ZNF681: variants seen among roughly 807,000 people sequenced by gnomAD.
ZNF681 encodes the protein hypothetical protein FLJ31526.
A neutral mutation model predicts 56.0 loss-of-function variants in ZNF681; 37 were observed. That is an observed-to-expected ratio of 0.66 (90% CI 0.51 to 0.87). The LOEUF (loss-of-function observed/expected upper bound fraction) is 0.87. ZNF681 is among the 40% of genes least tolerant of loss of function. The probability of loss-of-function intolerance (pLI) is 0.00; values close to 1 mark genes in which losing one functional copy is unlikely to be tolerated. For missense variants in ZNF681, 741 were observed against 744.9 expected (o/e 0.99, Z 0.06); for synonymous variants, 225 against 248.6 (o/e 0.91, Z 0.89).
rs1281228707 is a variant in ZNF681, at chr19:23,740,522, A to G, written c.*3090T>C. The G allele has an allele frequency of 1.3e-5, 2 of 152,212 alleles. No individual in the cohort carries two copies. Among genetic ancestry groups the G allele is most frequent in the African/African-American group, 4.8e-5 (2 of 41,452 alleles). 9.4% of individuals were successfully genotyped at this position (152,212 alleles called of 1,614,324 possible). ...TTGATATGTTCCATCTCTGTCTTGAAGTTACAAACTAACTCCAACAGGAAT... is the reference window on the plus strand; with the variant it reads ...TTGATATGTTCCATCTCTGTCTTGAGGTTACAAACTAACTCCAACAGGAAT... On this transcript the variant is annotated 3_prime_UTR_variant, in exon 4 of 4. Transcript: ENST00000402377.
chr19:23,745,283 C>T lies in ZNF681; in HGVS notation c.267G>A (p.Gln89=), dbSNP rs765751042. The T allele has an allele frequency of 1.9e-5, 30 of 1,589,298 alleles. No homozygotes were observed. Among genetic ancestry groups the T allele is most frequent in the African/African-American group, 2.7e-5 (2 of 73,216 alleles). The change falls in exon 4 of 4, where the codon CAG becomes CAA. Residue 89 remains glutamine, a synonymous_variant. Transcript: ENST00000402377. ...SHFAQDFSPE[Q]NIKDSFQKVT... is the part of the protein sequence containing the mutation. ...CTTTTTGGAAAGAATCTTTTATGTT[C>T]TGCTCTGGTGAAAAGTCTTGGGCAA...
chr19:23,756,048 T>C (rs1445578256), intron 1 of ZNF681, among the ~76,000 whole-genome samples: 1 of 152,118 alleles, frequency 6.6e-6, no homozygotes, highest in Non-Finnish European at 1.5e-5. Flanking sequence ...CATATGTGGC[T>C]GGGCGCAGTG....
intron 1 of ZNF681, among the ~76,000 whole-genome samples, chr19:23,756,461 A>G (rs1969120305): frequency 6.6e-6 from 1 of 152,242 alleles, no homozygotes; most frequent in African/African-American, 2.4e-5. Context: ...CTATGCAGCC[A>G]TAAAAAAGAA....
At position 23,741,768 on chromosome 19, in the gene ZNF681, C is replaced by T. The variant is rs902335517; in HGVS notation, c.*1844G>A. 9 of 151,720 alleles carry T rather than the reference C, an allele frequency of 5.9e-5. No homozygotes were observed. Among genetic ancestry groups the T allele is most frequent in the Non-Finnish European group, 1.2e-4 (8 of 67,948 alleles). The allele number at this position is 151,720 out of a possible 1,614,324, so 9.4% of individuals were successfully genotyped here. ...AGTTTATAATACAAACAAATACAAACAATAAATGCTGCAGGTAATGAATAT... is the reference window on the plus strand; with the variant it reads ...AGTTTATAATACAAACAAATACAAATAATAAATGCTGCAGGTAATGAATAT... On this transcript the variant is annotated 3_prime_UTR_variant, in exon 4 of 4. Coordinates refer to ENST00000402377, the MANE Select transcript of ZNF681 (RefSeq NM_138286.3).
rs1380474416 is a variant in ZNF681 at position 23,739,370 on chromosome 19, A to C, written c.*4242T>G. 1 of 152,214 alleles carries C rather than the reference A, an allele frequency of 6.6e-6. No homozygotes were observed. Among genetic ancestry groups the C allele is most frequent in the African/African-American group, 2.4e-5 (1 of 41,460 alleles). The allele number at this position is 152,214 out of a possible 1,614,324, so 9.4% of individuals were successfully genotyped here. A position where few individuals can be genotyped will look rare whatever the true frequency, so the allele number is the denominator to read the frequency against. On this transcript the variant is annotated 3_prime_UTR_variant, in exon 4 of 4. Transcript: ENST00000402377. ...TTAGAAAGATGTCAGTCAAATACAT[A>C]ATTACAGTTGAATAGGAGAAATAAG... is the stretch of plus-strand genomic sequence containing the variant.
At position 23,739,783 on chromosome 19, in the gene ZNF681, G is replaced by GT. The variant is rs1440374121; in HGVS notation, c.*3828dup. ...TGACCAAGAAGTTGGCTAGAGTTAG[G>GT]TGACTAAATGTAAAAACTGTAGACT... is the stretch of plus-strand genomic sequence containing the variant. On this transcript the variant is annotated 3_prime_UTR_variant, in exon 4 of 4. Transcript: ENST00000402377. 1 of 152,036 alleles carries GT rather than the reference G, an allele frequency of 6.6e-6. No individual in the cohort carries two copies. Among genetic ancestry groups the GT allele is most frequent in the Non-Finnish European group, 1.5e-5 (1 of 68,004 alleles). The allele number at this position is 152,036 out of a possible 1,614,324, so 9.4% of individuals were successfully genotyped here.
intron 3 of ZNF681, among the ~76,000 whole-genome samples, chr19:23,746,806 G>A (rs1221840549): frequency 2.6e-5 from 4 of 152,208 alleles, no homozygotes; most frequent in Non-Finnish European, 5.9e-5. Context: ...TATTCTGTTA[G>A]GATACACAAC....
At chr19:23,749,375 G>A (rs912237577) in intron 3 of ZNF681, among the ~76,000 whole-genome samples, 1 of 152,102 alleles carries the variant, frequency 6.6e-6, no homozygotes, top group African/African-American at 2.4e-5. Flanking sequence ...TTGAGTTTTA[G>A]TTTTATTAGA....
At chr19:23,752,879 A>G (rs1969053659) in intron 3 of ZNF681, among the ~76,000 whole-genome samples, 1 of 152,192 alleles carries the variant, frequency 6.6e-6, no homozygotes, top group African/African-American at 2.4e-5. Flanking sequence ...AACTGTTAGT[A>G]CGTGGCAAAA....
At position 23,745,111 on chromosome 19, in the gene ZNF681, A is replaced by G; in HGVS notation, c.439T>C (p.Tyr147His). Reference sequence around the variant, plus strand: ...GAAAATTTATGAAAGATTTTCATATATTTATCACATTGAAATATTTTGCTC... The same window carrying G: ...GAAAATTTATGAAAGATTTTCATATGTTTATCACATTGAAATATTTTGCTC... The part of the protein sequence containing the change: ...TQSKIFQCDK[Y>H]MKIFHKFSNL... Residue 147 changes from tyrosine (Y) to histidine (H), a missense_variant, in exon 4 of 4, where the codon TAT becomes CAT. Transcript: ENST00000402377. 6.2e-7 allele frequency: 1 copy of G among 1,608,996 alleles called. No homozygotes were observed. The highest frequency in any genetic ancestry group is 8.5e-7 in the Non-Finnish European group (1 of 1,177,734).
At chr19:23,755,688 A>G in intron 1 of ZNF681, 137 bp from the exon 2 acceptor site, 2 of 1,045,656 alleles carry the variant, frequency 1.9e-6, no homozygotes. Context: ...TGACTTACAG[A>G]AATGACTGAA....
Position 23,739,603 on chromosome 19 carries a change from T to G in ZNF681, c.*4009A>C, listed in dbSNP as rs1462832492. 2 of 152,174 alleles carry G rather than the reference T, an allele frequency of 1.3e-5. No individual in the cohort carries two copies. Among genetic ancestry groups the G allele is most frequent in the African/African-American group, 4.8e-5 (2 of 41,436 alleles). 9.4% of individuals were successfully genotyped at this position (152,174 alleles called of 1,614,324 possible). A position where few individuals can be genotyped will look rare whatever the true frequency, so the allele number is the denominator to read the frequency against. ...ACAGAATAAATGCACAATTTATATA[T>G]TACAGACGGTATGAAAGACACTAAA... On this transcript the variant is annotated 3_prime_UTR_variant, in exon 4 of 4. Coordinates refer to ENST00000402377, the MANE Select transcript of ZNF681 (RefSeq NM_138286.3).
At chr19:23,749,607 TAAA>T (rs75741075) in intron 3 of ZNF681, among the ~76,000 whole-genome samples, 22 of 137,452 alleles carry the variant, frequency 1.6e-4, no homozygotes, top group Non-Finnish European at 1.9e-4. Flanking sequence ...ATGCCTGGGT[TAAA>T]AAAAAAAAAA....
chr19:23,758,656 A>G, intron 1 of ZNF681, 91 bp downstream of exon 1: 16 of 1,601,936 alleles, frequency 1.0e-5, no homozygotes, highest in Admixed American at 1.7e-5. Flanking sequence ...AGGAGAACTC[A>G]GGGCGCAAAT....
At chr19:23,754,958 T>C in intron 2 of ZNF681, 40 bp from the exon 3 acceptor site, 2 of 1,533,382 alleles carry the variant, frequency 1.3e-6, no homozygotes, top group Middle Eastern at 1.7e-4. Flanking sequence ...CTTGCTTATA[T>C]TGTCTAATCA....
chr19:23,744,838 A>G lies in ZNF681; in HGVS notation c.712T>C (p.Phe238Leu), dbSNP rs150965646. Reference protein sequence around the residue: ...CEECGKACNQFTNLTTHKIIY... With the variant: ...CEECGKACNQLTNLTTHKIIY... ...ATCTTATGTGTAGTAAGGTTTGTGAACTGGTTACAGGCTTTGCCACATTCT... is the reference window on the plus strand; with the variant it reads ...ATCTTATGTGTAGTAAGGTTTGTGAGCTGGTTACAGGCTTTGCCACATTCT... The change falls in exon 4 of 4, where the codon TTC becomes CTC. Residue 238 changes from phenylalanine to leucine, a missense_variant. Coordinates refer to ENST00000402377, the MANE Select transcript of ZNF681 (RefSeq NM_138286.3). 2 of 1,613,582 alleles carry G rather than the reference A, an allele frequency of 1.2e-6. No homozygotes were observed. The highest frequency in any genetic ancestry group is 8.5e-7 in the Non-Finnish European group (1 of 1,179,816).
intron 3 of ZNF681, among the ~76,000 whole-genome samples, chr19:23,747,072 G>T (rs547688150): frequency 6.6e-6 from 1 of 152,256 alleles, no homozygotes; most frequent in Non-Finnish European, 1.5e-5. Context: ...TGCAGTCACT[G>T]CACTCCAGCC....
chr19:23,739,685 G>A lies in ZNF681; in HGVS notation c.*3927C>T, dbSNP rs1401596559. On this transcript the variant is annotated 3_prime_UTR_variant, in exon 4 of 4. Coordinates refer to ENST00000402377, the MANE Select transcript of ZNF681 (RefSeq NM_138286.3). Reference sequence around the variant, plus strand: ...GCCACTCTGTGAACACAGTAAACAAGTTTGCACGCAAAATAATAGAAAATG... The same window carrying A: ...GCCACTCTGTGAACACAGTAAACAAATTTGCACGCAAAATAATAGAAAATG... The A allele has an allele frequency of 2.0e-5, 3 of 152,110 alleles. No individual in the cohort carries two copies. The highest frequency in any genetic ancestry group is 4.4e-5 in the Non-Finnish European group (3 of 68,008). 9.4% of individuals were successfully genotyped at this position (152,110 alleles called of 1,614,324 possible). A position where few individuals can be genotyped will look rare whatever the true frequency, so the allele number is the denominator to read the frequency against.
chr19:23,748,179 G>A (rs1968973270), intron 3 of ZNF681, among the ~76,000 whole-genome samples: 1 of 152,104 alleles, frequency 6.6e-6, no homozygotes, highest in South Asian at 2.1e-4. Flanking sequence ...AAAAACATTA[G>A]AGTGACAATG....
Sources: allele counts gnomAD v4.1 joint callset (sites outside exome capture counted in the v4.1 genomes callset), GRCh38; gene constraint gnomAD v4.1.1; transcripts MANE v1.5; gene names NCBI Gene and HGNC (gene_info 2026-07-23, HGNC 2026-07-21).